The following MACROD2 variants were observed in gnomAD, a reference collection of about 807,000 sequenced individuals.
MACROD2 encodes ADP-ribose glycohydrolase MACROD2.
Under a neutral mutation model 70.4 loss-of-function variants are expected in MACROD2, and 36 were observed. That is an observed-to-expected ratio of 0.51 (90% CI 0.39 to 0.68). The LOEUF (loss-of-function observed/expected upper bound fraction) is 0.68, where lower values mean the gene tolerates loss of function less well. MACROD2 is among the 30% of genes least tolerant of loss of function. MACROD2 has a pLI of 0.00. For synonymous variants in MACROD2, 172 were observed against 178.8 expected (o/e 0.96, Z 0.30); for missense variants, 496 against 538.4 (o/e 0.92, Z 0.78).
At chr20:15,399,276 C>T (rs922337234) in intron 6 of MACROD2, among the ~76,000 whole-genome samples, 2 of 152,188 alleles carry the variant, frequency 1.3e-5, no homozygotes, top group East Asian at 1.9e-4. Flanking sequence ...TCATTGTCAA[C>T]AGCCACCATG....
At chr20:16,014,550 T>A (rs2066905023) in intron 15 of MACROD2, among the ~76,000 whole-genome samples, 1 of 152,214 alleles carries the variant, frequency 6.6e-6, no homozygotes, top group African/African-American at 2.4e-5. Context: ...AGCCTTCTGT[T>A]CCACTACAGA....
At chr20:14,364,557 C>G (rs1198102978) in intron 3 of MACROD2, among the ~76,000 whole-genome samples, 1 of 152,128 alleles carries the variant, frequency 6.6e-6, no homozygotes, top group Admixed American at 6.5e-5. Context: ...TTTTCATCAC[C>G]TCAAAAGGAA....
intron 4 of MACROD2, among the ~76,000 whole-genome samples, chr20:14,511,390 T>A (rs2085028391): frequency 6.6e-6 from 1 of 151,938 alleles, no homozygotes. Flanking sequence ...ACCCCATAAA[T>A]ATATACACCT....
At chr20:15,021,085 TACAC>T (rs1568534461) in intron 5 of MACROD2, among the ~76,000 whole-genome samples, 2 of 129,802 alleles carry the variant, frequency 1.5e-5, no homozygotes, top group African/African-American at 3.0e-5. Flanking sequence ...TGTATGTGTA[TACAC>T]GTGTATGTGT....
intron 3 of MACROD2, among the ~76,000 whole-genome samples, chr20:14,425,739 C>G (rs530646600): frequency 6.6e-6 from 1 of 152,130 alleles, no homozygotes; most frequent in African/African-American, 2.4e-5. Context: ...GTCCCCTCAC[C>G]GTTACCCTGG....
At chr20:15,030,938 G>A (rs1285581461) in intron 5 of MACROD2, among the ~76,000 whole-genome samples, 1 of 152,152 alleles carries the variant, frequency 6.6e-6, no homozygotes, top group Non-Finnish European at 1.5e-5. Context: ...TGGGCCTGCT[G>A]GGCTTATTCT....
At chr20:15,048,445 A>G (rs2075412830) in intron 5 of MACROD2, among the ~76,000 whole-genome samples, 1 of 150,256 alleles carries the variant, frequency 6.7e-6, no homozygotes, top group Non-Finnish European at 1.5e-5. Flanking sequence ...TAATCCTCTC[A>G]TTCTTTTTAC....
chr20:14,827,860 A>G lies in MACROD2; in HGVS notation c.418+142901A>G, dbSNP rs1264767897. Among the ~76,000 whole-genome samples, 8 of 152,222 alleles carry G rather than the reference A, an allele frequency of 5.3e-5. No homozygotes were observed. In the South Asian group the frequency reaches 1.7e-3, roughly 32 times the overall value. On this transcript the variant is annotated intron_variant, in intron 5 of 17. Coordinates refer to ENST00000684519, the MANE Select transcript of MACROD2 (RefSeq NM_001351661.2). Reference sequence around the variant, plus strand: ...ATTTATTAATAAGAATTCAAAATATATAACCATTTAATTTTTTACATACTA... The same window carrying G: ...ATTTATTAATAAGAATTCAAAATATGTAACCATTTAATTTTTTACATACTA...
intron 8 of MACROD2, among the ~76,000 whole-genome samples, chr20:15,514,784 T>A (rs1432195204): frequency 6.6e-6 from 1 of 152,194 alleles, no homozygotes; most frequent in Non-Finnish European, 1.5e-5. Flanking sequence ...TTTGATGAGA[T>A]GAGAAAACTT....
Position 15,252,327 on chromosome 20 carries a change from C to A in MACROD2, c.540+22266C>A, listed in dbSNP as rs540115910. Among the ~76,000 whole-genome samples the A allele has an allele frequency of 5.9e-5, 9 of 152,304 alleles. No homozygotes were observed. The South Asian group carries it at 1.9e-3, about 32-fold the overall frequency. ...ACCAGTCAGGATAGCCTAAGTCATG[C>A]TGAAGTGGCAAGTGATCTCAACATT... On this transcript the variant is annotated intron_variant, in intron 6 of 17. Coordinates refer to ENST00000684519, the MANE Select transcript of MACROD2 (RefSeq NM_001351661.2).
At chr20:15,007,381 A>C (rs543980282) in intron 5 of MACROD2, among the ~76,000 whole-genome samples, 1,547 of 144,742 alleles carry the variant, frequency 0.011, 27 homozygotes, top group African/African-American at 0.035. Flanking sequence ...AAAACAAACA[A>C]AAAAAAAACA....
intron 5 of MACROD2, among the ~76,000 whole-genome samples, chr20:14,739,833 T>TAATACATAAAA (rs1343116181): frequency 3.9e-5 from 6 of 151,986 alleles, no homozygotes; most frequent in Non-Finnish European, 8.8e-5. Context: ...GAAGTTAAAA[T>TAATACATAAAA]GATGTTGTAA....
At chr20:15,171,855 G>C (rs1204557779) in intron 5 of MACROD2, among the ~76,000 whole-genome samples, 1 of 152,108 alleles carries the variant, frequency 6.6e-6, no homozygotes, top group Admixed American at 6.5e-5. Flanking sequence ...TACACTCTAA[G>C]TTCCCTGAAG....
chr20:14,024,087 T>G (rs1007681798), intron 2 of MACROD2, among the ~76,000 whole-genome samples: 16 of 152,166 alleles, frequency 1.1e-4, no homozygotes, highest in African/African-American at 3.9e-4. Flanking sequence ...GAGCAGTGGT[T>G]TGTAGTTTTC....
At chr20:15,976,599 T>C (rs1339454772) in intron 13 of MACROD2, among the ~76,000 whole-genome samples, 2 of 152,202 alleles carry the variant, frequency 1.3e-5, no homozygotes, top group Non-Finnish European at 2.9e-5. Context: ...GAGGAGTCAT[T>C]AACACACAGC....
intron 5 of MACROD2, among the ~76,000 whole-genome samples, chr20:14,890,422 A>G (rs1043961762): frequency 1.3e-5 from 2 of 152,116 alleles, no homozygotes; most frequent in Non-Finnish European, 2.9e-5. Flanking sequence ...AGAAGATGCT[A>G]TCTTGGTGAA....
intron 16 of MACROD2, among the ~76,000 whole-genome samples, chr20:16,043,913 C>T (rs2067341297): frequency 6.6e-6 from 1 of 152,052 alleles, no homozygotes; most frequent in South Asian, 2.1e-4. Flanking sequence ...ATAATATGTA[C>T]ATCCAAACTG....
At chr20:14,547,786 G>A (rs551623688) in intron 4 of MACROD2, among the ~76,000 whole-genome samples, 127 of 152,262 alleles carry the variant, frequency 8.3e-4, no homozygotes, top group African/African-American at 2.9e-3. Context: ...GTGTACCTGA[G>A]GTCACTCATA....
At chr20:15,021,938 G>A (rs899394796) in intron 5 of MACROD2, among the ~76,000 whole-genome samples, 4 of 151,866 alleles carry the variant, frequency 2.6e-5, no homozygotes, top group Non-Finnish European at 4.4e-5. Context: ...AGAGGGGAGA[G>A]GAGTGTATGG....
Sources: allele counts gnomAD v4.1 joint callset (sites outside exome capture counted in the v4.1 genomes callset), GRCh38; gene constraint gnomAD v4.1.1; transcripts MANE v1.5; gene names NCBI Gene and HGNC (gene_info 2026-07-23, HGNC 2026-07-21).